ZBTB7C: variants seen among roughly 807,000 people sequenced by gnomAD.
ZBTB7C encodes the protein zinc finger and BTB domain containing 7C.
A neutral mutation model predicts 25.7 loss-of-function variants in ZBTB7C; 8 were observed. The ratio of observed to expected loss-of-function variants is 0.31; its 90% confidence interval spans 0.18 to 0.56. The LOEUF (loss-of-function observed/expected upper bound fraction) is 0.56, where lower values mean the gene tolerates loss of function less well. Among genes scored for constraint, ZBTB7C ranks in the 20% least tolerant of loss-of-function variants. The pLI, the probability that ZBTB7C is intolerant of heterozygous loss-of-function variation, is 0.91. For synonymous variants in ZBTB7C, 394 were observed against 369.0 expected, an observed-to-expected ratio of 1.07 and a Z score of -0.78; for missense variants, 824 against 855.2, an observed-to-expected ratio of 0.96 and a Z score of 0.46.
At chr18:48,210,367 C>T (rs183682334) in intron 2 of ZBTB7C, among the ~76,000 whole-genome samples, 1 of 152,302 alleles carries the variant, frequency 6.6e-6, no homozygotes, top group Admixed American at 6.5e-5. Flanking sequence ...ATGAACTTCA[C>T]AGCAGAATTA....
At chr18:48,308,777 A>G (rs1202652331) in intron 2 of ZBTB7C, among the ~76,000 whole-genome samples, 1 of 152,180 alleles carries the variant, frequency 6.6e-6, no homozygotes, top group Non-Finnish European at 1.5e-5. Flanking sequence ...CAGGACCAGC[A>G]GCATCAGCAT....
chr18:48,299,378 G>A (rs980773855), intron 2 of ZBTB7C, among the ~76,000 whole-genome samples: 2 of 152,342 alleles, frequency 1.3e-5, no homozygotes, highest in Non-Finnish European at 2.9e-5. Context: ...ACTTTAGAAG[G>A]CATCTGTTTC....
intron 3 of ZBTB7C, chr18:48,180,412 CA>C: frequency 2.2e-6 from 1 of 453,842 alleles, no homozygotes; most frequent in South Asian, 1.6e-5. Context: ...CGCTCATTGA[CA>C]GGCCAGCACT....
intron 2 of ZBTB7C, among the ~76,000 whole-genome samples, chr18:48,256,449 TAAAG>T (rs1156238878): frequency 6.7e-5 from 7 of 104,240 alleles, no homozygotes; most frequent in African/African-American, 2.5e-4. Flanking sequence ...AAAGGTAAAA[TAAAG>T]ACTTTTTCAT....
intron 2 of ZBTB7C, among the ~76,000 whole-genome samples, chr18:48,311,671 C>T (rs919218079): frequency 1.8e-4 from 27 of 152,154 alleles, no homozygotes; most frequent in African/African-American, 6.3e-4. Context: ...TAAGATACAT[C>T]TGATGGCAAA....
chr18:48,197,609 T>A (rs1487516979), intron 2 of ZBTB7C, among the ~76,000 whole-genome samples: 1 of 152,098 alleles, frequency 6.6e-6, no homozygotes, highest in Non-Finnish European at 1.5e-5. Context: ...GTTGGGAGAG[T>A]TCAAGGTCAA....
chr18:48,123,808 C>T (rs564963357), intron 3 of ZBTB7C, among the ~76,000 whole-genome samples: 1 of 152,262 alleles, frequency 6.6e-6, no homozygotes, highest in African/African-American at 2.4e-5. Flanking sequence ...AAGAGCTCTC[C>T]TTAGAAATGA....
At chr18:48,247,307 GT>G (rs1283070547) in intron 2 of ZBTB7C, among the ~76,000 whole-genome samples, 2 of 152,038 alleles carry the variant, frequency 1.3e-5, no homozygotes, top group Admixed American at 6.6e-5. Flanking sequence ...TGTCTGGAAA[GT>G]TTTTAAAAAC....
intron 2 of ZBTB7C, among the ~76,000 whole-genome samples, chr18:48,298,197 T>C (rs1264843921): frequency 1.3e-5 from 2 of 151,790 alleles, no homozygotes; most frequent in African/African-American, 4.8e-5. Flanking sequence ...GGAGAATTAC[T>C]TGAACCCTGC....
At chr18:48,116,559 G>A (rs919660077) in intron 3 of ZBTB7C, among the ~76,000 whole-genome samples, 1 of 152,118 alleles carries the variant, frequency 6.6e-6, no homozygotes, top group Admixed American at 6.5e-5. Flanking sequence ...CCAATCGCAC[G>A]GGGGTCCGCC....
intron 2 of ZBTB7C, among the ~76,000 whole-genome samples, chr18:48,201,255 T>C (rs1384324608): frequency 1.3e-5 from 2 of 152,214 alleles, no homozygotes; most frequent in Admixed American, 6.5e-5. Context: ...TACTTTAGAA[T>C]TGTTCTTTTA....
chr18:48,103,111 A>AC (rs2038900297), intron 3 of ZBTB7C, among the ~76,000 whole-genome samples: 1 of 56,160 alleles, frequency 1.8e-5, no homozygotes, highest in African/African-American at 9.8e-5. Flanking sequence ...TATATTTTAT[A>AC]TTATCTATCT....
intron 1 of ZBTB7C, among the ~76,000 whole-genome samples, chr18:48,367,366 ATAT>A (rs1568404479): frequency 1.4e-5 from 2 of 139,000 alleles, no homozygotes; most frequent in Non-Finnish European, 3.1e-5. Context: ...ATATATATAT[ATAT>A]ATAAAATACA....
intron 3 of ZBTB7C, among the ~76,000 whole-genome samples, chr18:48,105,890 C>A (rs1307070633): frequency 6.6e-6 from 1 of 152,210 alleles, no homozygotes; most frequent in Non-Finnish European, 1.5e-5. Flanking sequence ...ATATACAACT[C>A]CAAATGCTAA....
chr18:48,243,591 C>T (rs1412377768), intron 2 of ZBTB7C, among the ~76,000 whole-genome samples: 2 of 152,092 alleles, frequency 1.3e-5, no homozygotes, highest in Admixed American at 1.3e-4. Context: ...TGAAAATGAC[C>T]ATGACTGCCA....
intron 2 of ZBTB7C, among the ~76,000 whole-genome samples, chr18:48,319,483 T>C (rs2046037807): frequency 6.6e-6 from 1 of 152,172 alleles, no homozygotes; most frequent in South Asian, 2.1e-4. Flanking sequence ...GACGTAATGC[T>C]AAATATTCAC....
At chr18:48,320,150 G>T (rs968140187) in intron 2 of ZBTB7C, among the ~76,000 whole-genome samples, 1 of 152,060 alleles carries the variant, frequency 6.6e-6, no homozygotes, top group Non-Finnish European at 1.5e-5. Context: ...TGGAGAAGAA[G>T]GAGAAGGAGG....
intron 1 of ZBTB7C, among the ~76,000 whole-genome samples, chr18:48,375,091 G>A (rs2047486680): frequency 6.6e-6 from 1 of 152,264 alleles, no homozygotes; most frequent in Admixed American, 6.5e-5. Flanking sequence ...AAGCTGGAAG[G>A]AAGCTAGAAG....
chr18:48,278,005 G>C (rs1055321400), intron 2 of ZBTB7C, among the ~76,000 whole-genome samples: 1 of 152,074 alleles, frequency 6.6e-6, no homozygotes, highest in Non-Finnish European at 1.5e-5. Context: ...TGGAGGTGAC[G>C]GATTATTTCC....
Sources: gnomAD v4.1 joint callset for allele counts (sites outside exome capture counted in the v4.1 genomes callset) on GRCh38, gnomAD v4.1.1 for gene constraint, MANE v1.5 for transcripts, NCBI Gene and HGNC (gene_info 2026-07-23, HGNC 2026-07-21) for gene names.